RRP1: variants seen among roughly 807,000 people sequenced by gnomAD.
The protein encoded by RRP1 is ribosomal RNA processing protein 1 homolog A.
RRP1 carries 37 observed loss-of-function variants against 54.6 expected under a neutral mutation model. The ratio of observed to expected loss-of-function variants is 0.68; its 90% CI spans 0.52 to 0.89. The LOEUF is 0.89. RRP1 is among the 40% of genes least tolerant of loss of function. RRP1 has a pLI of 0.00. For synonymous variants in RRP1, 262 were observed against 244.3 expected, an observed-to-expected ratio of 1.07 and a Z score of -0.67; for missense variants, 639 against 612.5, an observed-to-expected ratio of 1.04 and a Z score of -0.46.
rs749605541 is a variant in RRP1 at position 43,789,684 on chromosome 21, G to C, written c.55G>C (p.Gly19Arg). Residue 19 changes from glycine (G) to arginine (R), a missense_variant, in exon 1 of 13, where the codon GGG becomes CGG. Gly to Arg is a moderately radical substitution (Grantham distance 125). Coordinates refer to ENST00000497547, the MANE Select transcript of RRP1 (RefSeq NM_003683.6). ...GATCCAGCTGGCTCAGCGCCTGGCG[G>C]GGAATGAGCAGGTGACCCGGGACCG... Reference protein sequence around the residue: ...PEIQLAQRLAGNEQVTRDRAV... With the variant: ...PEIQLAQRLARNEQVTRDRAV... The C allele has an allele frequency of 6.4e-6, 10 of 1,569,478 alleles. No homozygotes were observed. In the Admixed American group the frequency reaches 1.1e-4, roughly 17 times the overall value.
intron 12 of RRP1, among the ~76,000 whole-genome samples, chr21:43,802,949 A>C (rs1180279186): frequency 1.3e-5 from 2 of 152,244 alleles, no homozygotes; most frequent in African/African-American, 4.8e-5. Flanking sequence ...AGTGCCGGGC[A>C]GGGCAGGGGG....
chr21:43,794,038 T>C (rs955333689), intron 4 of RRP1, among the ~76,000 whole-genome samples: 3 of 152,152 alleles, frequency 2.0e-5, no homozygotes, highest in Admixed American at 2.0e-4. Context: ...ACATTGTCAC[T>C]GTGTAGGAGT....
intron 3 of RRP1, 175 bp downstream of exon 3, chr21:43,792,904 T>C (rs1382463327): frequency 1.1e-5 from 7 of 644,790 alleles, no homozygotes; most frequent in Non-Finnish European, 1.9e-5. Flanking sequence ...CTGGTGTAAG[T>C]ATTCAACATG....
chr21:43,803,681 C>T lies in RRP1; in HGVS notation c.1293C>T (p.Arg431=), dbSNP rs1203649176. The T allele has an allele frequency of 6.4e-7, 1 of 1,552,598 alleles. No homozygotes were observed. The highest frequency in any genetic ancestry group is 8.7e-7 in the Non-Finnish European group (1 of 1,148,432). Residue 431 remains arginine, a synonymous_variant, in exon 13 of 13, where the codon CGC becomes CGT. Coordinates refer to ENST00000497547, the MANE Select transcript of RRP1 (RefSeq NM_003683.6). The stretch of plus-strand genomic sequence containing the variant: ...GGGGCCGTGGCCAGAGAGGGGCTCG[C>T]CAGAGAAGGAGGACACCTCGGCCCC... ...QPRGRGQRGA[R]QRRRTPRPLT...
At chr21:43,799,477 C>T (rs925747893) in intron 8 of RRP1, 93 bp from the exon 9 acceptor site, 9 of 1,339,710 alleles carry the variant, frequency 6.7e-6, no homozygotes, top group Non-Finnish European at 9.5e-6. Context: ...CGTGCTCCGA[C>T]CAGGGTGCAC....
At position 43,793,347 on chromosome 21, in the gene RRP1, G is replaced by A; in HGVS notation, c.303G>A (p.Gln101=). 1 of 1,614,140 alleles carries A rather than the reference G, an allele frequency of 6.2e-7. No individual in the cohort carries two copies. The highest frequency in any genetic ancestry group is 8.5e-7 in the Non-Finnish European group (1 of 1,180,034). The change falls in exon 4 of 13, where the codon CAG becomes CAA. Residue 101 remains glutamine, a synonymous_variant. Transcript: ENST00000497547. ...ACCTGTTCCTTCAGGCCTTCTGGCA[G>A]ACCATGAATCGCGAGTGGACGGGCA... ...AQHLFLQAFW[Q]TMNREWTGID...
chr21:43,797,030 C>T (rs922783579), intron 5 of RRP1, among the ~76,000 whole-genome samples: 8 of 152,170 alleles, frequency 5.3e-5, no homozygotes, highest in Admixed American at 2.0e-4. Context: ...TCTTCCCCAG[C>T]GGTACCCAGT....
intron 11 of RRP1, 81 bp downstream of exon 11, chr21:43,800,962 GTC>G: frequency 6.8e-7 from 1 of 1,464,374 alleles, no homozygotes; most frequent in Non-Finnish European, 9.5e-7. Flanking sequence ...GGTTCTAGGG[GTC>G]TCATAGCACG....
intron 4 of RRP1, 125 bp downstream of exon 4, chr21:43,793,529 G>A (rs1287518525): frequency 9.4e-6 from 7 of 742,900 alleles, no homozygotes; most frequent in East Asian, 5.3e-5. Context: ...GCCAGGGGTG[G>A]GAGGTGGAGC....
chr21:43,793,675 C>T (rs2084983824), intron 4 of RRP1, among the ~76,000 whole-genome samples: 1 of 152,216 alleles, frequency 6.6e-6, no homozygotes, highest in African/African-American at 2.4e-5. Flanking sequence ...CGATTGCTCT[C>T]CTGGTGAGAG....
rs755930249 is a variant in RRP1 at position 43,803,745 on chromosome 21, C to G, written c.1357C>G (p.Pro453Ala). ...ARAKAANVQE[P>A]EKKKKRRE ...AGCAAAGGCGGCCAATGTCCAGGAG[C>G]CGGAGAAGAAGAAGAAACGCAGGGA... Residue 453 changes from proline to alanine, a missense_variant, in exon 13 of 13, where the codon CCG (proline) becomes GCG (alanine). Physicochemically the swap from Pro to Ala is conservative, Grantham distance 27 (BLOSUM62 -1). Coordinates refer to ENST00000497547, the MANE Select transcript of RRP1 (RefSeq NM_003683.6). The G allele has an allele frequency of 2.2e-5, 34 of 1,577,692 alleles. No individual in the cohort carries two copies. In the East Asian group the frequency reaches 7.8e-4, roughly 36 times the overall value.
At chr21:43,799,827 C>T (rs185761424) in intron 9 of RRP1, among the ~76,000 whole-genome samples, 178 bp downstream of exon 9, 268 of 151,844 alleles carry the variant, frequency 1.8e-3, no homozygotes, top group Middle Eastern at 3.4e-3. Flanking sequence ...CGCCTGTAGA[C>T]GAGTGGGATC....
intron 11 of RRP1, among the ~76,000 whole-genome samples, chr21:43,801,936 G>A (rs567176349): frequency 3.7e-4 from 57 of 152,282 alleles, no homozygotes; most frequent in Non-Finnish European, 7.2e-4. Context: ...GGGTTTTCAG[G>A]TGAGGGCTGT....
chr21:43,798,027 C>T lies in RRP1; in HGVS notation c.738C>T (p.Asp246=). Residue 246 remains aspartate (D), a synonymous_variant, in exon 8 of 13, where the codon GAC becomes GAT. Transcript: ENST00000497547. ...LDTQDEEVAS[D]SDESSEGGER... The stretch of plus-strand genomic sequence containing the variant: ...CACAGGATGAGGAGGTGGCGTCGGA[C>T]AGTGATGAGTCCTCTGAGGGTGGTG... The T allele has an allele frequency of 1.2e-6, 2 of 1,614,172 alleles. No individual in the cohort carries two copies. The highest frequency in any genetic ancestry group is 8.5e-7 in the Non-Finnish European group (1 of 1,180,024).
In RRP1 at chr21:43,800,563, G is replaced by A. The variant is rs1482729417; in HGVS notation, c.938G>A (p.Arg313His). The A allele has an allele frequency of 6.2e-7, 1 of 1,614,260 alleles. No individual in the cohort carries two copies. Among genetic ancestry groups the A allele is most frequent in the South Asian group, 1.1e-5 (1 of 91,086 alleles). ...VANRLFEMAS[R>H]QSTPSQNRKR... Reference sequence around the variant, plus strand: ...AACAGACTGTTTGAAATGGCCAGCCGCCAGAGCACCCCTTCTCAGAACAGA... The same window carrying A: ...AACAGACTGTTTGAAATGGCCAGCCACCAGAGCACCCCTTCTCAGAACAGA... The change falls in exon 10 of 13, where the codon CGC becomes CAC. Residue 313 changes from arginine (R) to histidine (H), a missense_variant. Coordinates refer to ENST00000497547, the MANE Select transcript of RRP1 (RefSeq NM_003683.6).
chr21:43,800,418 A>G (rs928767634), intron 9 of RRP1, 99 bp from the exon 10 acceptor site: 9 of 1,084,780 alleles, frequency 8.3e-6, no homozygotes, highest in African/African-American at 3.1e-5. Context: ...AGAACCTGCA[A>G]GTGGGACCAA....
Position 43,798,788 on chromosome 21 carries a change from C to G in RRP1, c.811+688C>G, listed in dbSNP as rs372329749. Among the ~76,000 whole-genome samples the G allele has an allele frequency of 9.4e-4, 143 of 152,248 alleles. 3 individuals carry two copies. The South Asian group carries it at 0.029, about 31-fold the overall frequency. ...CCGAGCCTGCTGGGTGGTCTGAGCTCTAAGTGTGGCATCCTGGTGCTGTGG... is the reference window on the plus strand; with the variant it reads ...CCGAGCCTGCTGGGTGGTCTGAGCTGTAAGTGTGGCATCCTGGTGCTGTGG... On this transcript the variant is annotated intron_variant, in intron 8 of 12. Coordinates refer to ENST00000497547, the MANE Select transcript of RRP1 (RefSeq NM_003683.6).
intron 4 of RRP1, among the ~76,000 whole-genome samples, chr21:43,794,186 A>G (rs2084991120): frequency 6.6e-6 from 1 of 152,152 alleles, no homozygotes; most frequent in Non-Finnish European, 1.5e-5. Flanking sequence ...CAGTGATTCT[A>G]GAAGTGGAGA....
At chr21:43,795,630 C>T (rs542505740) in intron 5 of RRP1, among the ~76,000 whole-genome samples, 88 of 152,322 alleles carry the variant, frequency 5.8e-4, no homozygotes, top group African/African-American at 2.1e-3. Context: ...TCAACTACAG[C>T]CTTGACCTCC....
Sources: gnomAD v4.1 joint callset for allele counts (sites outside exome capture counted in the v4.1 genomes callset) on GRCh38, gnomAD v4.1.1 for gene constraint, MANE v1.5 for transcripts, NCBI Gene and HGNC (gene_info 2026-07-23, HGNC 2026-07-21) for gene names.